EXO1: variants seen among roughly 807,000 people sequenced by gnomAD.
The protein encoded by EXO1 is exonuclease 1.
EXO1 carries 69 observed loss-of-function variants against 84.5 expected under a neutral mutation model. The ratio of observed to expected loss-of-function variants is 0.82; its 90% confidence interval spans 0.67 to 1.00. The LOEUF (loss-of-function observed/expected upper bound fraction) is 1.00, where lower values mean the gene tolerates loss of function less well. Among genes scored for constraint, EXO1 ranks in the 50% least tolerant of loss-of-function variants. The probability of loss-of-function intolerance (pLI) is 0.00; values close to 1 mark genes in which losing one functional copy is unlikely to be tolerated. For synonymous variants in EXO1, 373 were observed against 366.1 expected (o/e 1.02, Z -0.21); for missense variants, 1,045 against 1,000.7 (o/e 1.04, Z -0.60).
intron 15 of EXO1, among the ~76,000 whole-genome samples, chr1:241,887,939 C>T (rs558174687): frequency 2.6e-5 from 4 of 152,154 alleles, no homozygotes; most frequent in East Asian, 3.9e-4. Flanking sequence ...ACGCCTGGCC[C>T]CTTTTTGTTC....
intron 13 of EXO1, among the ~76,000 whole-genome samples, chr1:241,880,208 C>T (rs879114676): frequency 1.4e-4 from 22 of 152,036 alleles, no homozygotes; most frequent in Admixed American, 1.4e-3. Context: ...TTCCTATGAA[C>T]GTCTTTATCT....
At chr1:241,864,553 G>A (rs1661598037) in intron 10 of EXO1, among the ~76,000 whole-genome samples, 1 of 152,220 alleles carries the variant, frequency 6.6e-6, no homozygotes, top group African/African-American at 2.4e-5. Context: ...GGGACACAGG[G>A]TCAAATAATT....
intron 15 of EXO1, among the ~76,000 whole-genome samples, chr1:241,885,844 G>GT (rs1028888726): frequency 1.0e-3 from 9 of 8,860 alleles, no homozygotes; most frequent in Admixed American, 2.1e-3. Flanking sequence ...TTGGTTTTTT[G>GT]TTTTTTGTTT....
At chr1:241,880,759 T>C (rs1480554075) in intron 13 of EXO1, among the ~76,000 whole-genome samples, 1 of 152,228 alleles carries the variant, frequency 6.6e-6, no homozygotes, top group East Asian at 1.9e-4. Flanking sequence ...TATCAGTTTT[T>C]ATCCTATAGT....
At chr1:241,860,403 A>G (rs745392022) in intron 8 of EXO1, 114 bp from the exon 9 acceptor site, 10 of 835,406 alleles carry the variant, frequency 1.2e-5, no homozygotes, top group Non-Finnish European at 2.0e-5. Flanking sequence ...TTTAATGTAG[A>G]TGAAAGCAGT....
At chr1:241,851,818 T>C (rs912257653) in intron 4 of EXO1, among the ~76,000 whole-genome samples, 4 of 152,214 alleles carry the variant, frequency 2.6e-5, no homozygotes, top group African/African-American at 9.6e-5. Flanking sequence ...AGAAACATTG[T>C]TGAGACAAGT....
chr1:241,859,692 C>T (rs981678157), intron 8 of EXO1, among the ~76,000 whole-genome samples: 1 of 152,150 alleles, frequency 6.6e-6, no homozygotes, highest in Non-Finnish European at 1.5e-5. Context: ...AATGTGTACC[C>T]AACCTGTATC....
At chr1:241,875,536 T>G (rs906585857) in intron 12 of EXO1, among the ~76,000 whole-genome samples, 2 of 152,110 alleles carry the variant, frequency 1.3e-5, no homozygotes, top group African/African-American at 4.8e-5. Context: ...TTGTTAACAG[T>G]GGAATGATGA....
chr1:241,850,315 T>A (rs1462725224), intron 3 of EXO1, 94 bp from the exon 4 acceptor site: 2 of 896,370 alleles, frequency 2.2e-6, no homozygotes, highest in Non-Finnish European at 3.5e-6. Context: ...ATTTCTGCAT[T>A]GGACTCCAAG....
chr1:241,885,138 T>C (rs1574189566), intron 14 of EXO1, among the ~76,000 whole-genome samples, 176 bp from the exon 15 acceptor site: 1 of 147,890 alleles, frequency 6.8e-6, no homozygotes, highest in African/African-American at 2.5e-5. Flanking sequence ...ACCCGGGAGG[T>C]GGAGCTTGCA....
In EXO1 at chr1:241,867,010, T is replaced by C. The variant is rs1202672486; in HGVS notation, c.1222T>C (p.Leu408=). 5.0e-6 allele frequency: 8 copies of C among 1,614,008 alleles called. No individual in the cohort carries two copies. The highest frequency in any genetic ancestry group is 1.6e-4 in the Middle Eastern group (1 of 6,062). The change falls in exon 11 of 16, where the codon TTA becomes CTA. Residue 408 remains leucine (L), a synonymous_variant. Coordinates refer to ENST00000366548, the MANE Select transcript of EXO1 (RefSeq NM_130398.4). ...GGAACGAGTGATTAGTACTAAAGGG[T>C]TAAATCTCCCAAGGAAATCATCCAT... The part of the protein sequence containing the change: ...GVERVISTKG[L]NLPRKSSIVK...
At position 241,884,476 on chromosome 1, in the gene EXO1, G is replaced by GT. The variant is rs1415101364; in HGVS notation, c.2212-835dup. ...AGAAACAGCCTAAATGTCAATAGAGGTTTGTTTAAGTAAGTTATGGCATAT... is the reference window on the plus strand; with the variant it reads ...AGAAACAGCCTAAATGTCAATAGAGGTTTTGTTTAAGTAAGTTATGGCATAT... On this transcript the variant is annotated intron_variant, in intron 14 of 15. Coordinates refer to ENST00000366548, the MANE Select transcript of EXO1 (RefSeq NM_130398.4). Among the ~76,000 whole-genome samples the GT allele has an allele frequency of 1.4e-4, 22 of 152,258 alleles. No individual in the cohort carries two copies. The South Asian group carries it at 3.1e-3, about 22-fold the overall frequency.
chr1:241,850,462 G>C lies in EXO1; in HGVS notation c.37G>C (p.Ala13Pro). 1 of 1,614,060 alleles carries C rather than the reference G, an allele frequency of 6.2e-7. No homozygotes were observed. The highest frequency in any genetic ancestry group is 8.5e-7 in the Non-Finnish European group (1 of 1,179,910). The change falls in exon 4 of 16, where the codon GCT (alanine) becomes CCT (proline). Residue 13 changes from alanine (A) to proline (P), a missense_variant. By Grantham distance (27) the Ala-to-Pro change is conservative (BLOSUM62 -1). Transcript: ENST00000366548. The stretch of plus-strand genomic sequence containing the variant: ...GGGATTGCTACAATTTATCAAAGAA[G>C]CTTCAGAACCCATCCATGTGAGGAA... ...IQGLLQFIKE[A>P]SEPIHVRKYK...
intron 13 of EXO1, among the ~76,000 whole-genome samples, chr1:241,881,411 T>C (rs370164799): frequency 6.6e-6 from 1 of 152,200 alleles, no homozygotes; most frequent in East Asian, 1.9e-4. Context: ...TCTTATCTGA[T>C]AGAATTGGGG....
In EXO1 at chr1:241,882,003, CCT is replaced by C; in HGVS notation, c.2200_2201del (p.Leu734LysfsTer9). 1 of 1,516,374 alleles carries C rather than the reference CCT, an allele frequency of 6.6e-7. No individual in the cohort carries two copies. The allele number at this position is 1,516,374 out of a possible 1,614,324, so 93.9% of individuals were successfully genotyped here. A position where few individuals can be genotyped will look rare whatever the true frequency, so the allele number is the denominator to read the frequency against. On this transcript the variant is annotated frameshift_variant, in exon 14 of 16. Coordinates refer to ENST00000366548, the MANE Select transcript of EXO1 (RefSeq NM_130398.4). LOFTEE classifies it high-confidence loss of function. ...RLSHFSKKDT[P>X]LRNKVPGLYK... ...ATCTCATTTCTCAAAAAAAGACACA[CCT>C]CTAAGGAACAAGGTAAAACATTTAT...
chr1:241,879,063 G>C lies in EXO1; in HGVS notation c.1829G>C (p.Ser610Thr). The change falls in exon 13 of 16, where the codon AGT becomes ACT. Residue 610 changes from serine to threonine, a missense_variant. Transcript: ENST00000366548. ...TTGGGAACACTAAGAAGTTGTTTTA[G>C]TTGGTCTGGAGGTCTTGGAGATTTT... is the stretch of plus-strand genomic sequence containing the variant. ...PTLGTLRSCF[S>T]WSGGLGDFSR... The C allele has an allele frequency of 6.2e-7, 1 of 1,614,218 alleles. No individual in the cohort carries two copies.
chr1:241,880,416 A>G (rs79905830), intron 13 of EXO1, among the ~76,000 whole-genome samples: 451 of 152,296 alleles, frequency 3.0e-3, no homozygotes, highest in African/African-American at 0.011. Context: ...GGAAGCGTTT[A>G]GCCATGTTTT....
chr1:241,860,287 TA>T lies in EXO1; in HGVS notation c.757-229del, dbSNP rs1030763914. 3.6e-5 allele frequency among the ~76,000 whole-genome samples: 3 copies of T among 83,692 alleles called. No individual in the cohort carries two copies. In the East Asian group the frequency reaches 1.7e-3, roughly 46 times the overall value. 54.9% of individuals were successfully genotyped at this position (83,692 alleles called of 152,430 possible). ...ACAAACTTGATGTACTATATAACTG[TA>T]TTTTTTTATCCTTCAAATTAGTAAT... On this transcript the variant is annotated intron_variant, in intron 8 of 15. Coordinates refer to ENST00000366548, the MANE Select transcript of EXO1 (RefSeq NM_130398.4).
intron 10 of EXO1, 65 bp downstream of exon 10, chr1:241,861,567 C>A: frequency 2.3e-6 from 2 of 870,124 alleles, no homozygotes; most frequent in Non-Finnish European, 4.0e-6. Context: ...TGATTAAAGG[C>A]AAATCTTCAT....
Sources: allele counts gnomAD v4.1 joint callset (sites outside exome capture counted in the v4.1 genomes callset), GRCh38; gene constraint gnomAD v4.1.1; transcripts MANE v1.5; gene names NCBI Gene and HGNC (gene_info 2026-07-23, HGNC 2026-07-21).